The following PATL2 variants were observed in gnomAD, a reference collection of about 807,000 sequenced individuals.
PATL2 encodes the protein PAT1 homolog 2, also known as protein PAT1 homolog 2.
A neutral mutation model predicts 77.0 loss-of-function variants in PATL2; 73 were observed. The ratio of observed to expected loss-of-function variants is 0.95; its 90% CI spans 0.78 to 1.15. The LOEUF is 1.15. Among genes scored for constraint, PATL2 ranks in the 50% most tolerant of loss-of-function variants. PATL2 has a pLI of 0.00. For synonymous variants in PATL2, 265 were observed against 257.1 expected, an observed-to-expected ratio of 1.03 and a Z score of -0.29; for missense variants, 618 against 655.4, an observed-to-expected ratio of 0.94 and a Z score of 0.62.
At chr15:44,681,490 C>T (rs2141227537) in intron 3 of PATL2, among the ~76,000 whole-genome samples, 1 of 152,270 alleles carries the variant, frequency 6.6e-6, no homozygotes, top group South Asian at 2.1e-4. Context: ...TTTCTTTGGC[C>T]CTTTTCCTGC....
Position 44,669,018 on chromosome 15 carries a change from G to T in PATL2, c.1186C>A (p.His396Asn). The change falls in exon 14 of 18, where the codon CAT becomes AAT. Residue 396 changes from histidine to asparagine, a missense_variant. Transcript: ENST00000682850. ...AVTILLAITH[H>N]LPLLVRRDVA... ...TCCCTCCGGACCAGGAGGGGCAGAT[G>T]GTGGGTGATAGCCAAAAGAATGGTA... 6.4e-7 allele frequency: 1 copy of T among 1,550,940 alleles called. No individual in the cohort carries two copies. The highest frequency in any genetic ancestry group is 8.7e-7 in the Non-Finnish European group (1 of 1,146,572).
chr15:44,707,275 T>G (rs1438101640), intron 3 of PATL2, among the ~76,000 whole-genome samples: 1 of 151,902 alleles, frequency 6.6e-6, no homozygotes, highest in Non-Finnish European at 1.5e-5. Context: ...CTTTACTCTT[T>G]CCACTTCTTT....
rs1050285529 is a variant in PATL2, at chr15:44,673,361, G to C, written c.320C>G (p.Ser107Trp). The C allele has an allele frequency of 4.5e-6, 7 of 1,551,592 alleles. No homozygotes were observed. In the African/African-American group the frequency reaches 8.2e-5, roughly 18 times the overall value. The change falls in exon 7 of 18, where the codon TCG (serine) becomes TGG (tryptophan). Residue 107 changes from serine to tryptophan, a missense_variant. Physicochemically the swap from Ser to Trp is radical, Grantham distance 177. Transcript: ENST00000682850. Reference protein sequence around the residue: ...HFLWQTLDYLSPIPFWPTFPS... With the variant: ...HFLWQTLDYLWPIPFWPTFPS... ...AAATGTAGGCCAGAAAGGGATGGGC[G>C]ACAGGTAGTCCAAGGTCTGAGAGAG...
rs1266055660 is a variant in PATL2, at chr15:44,669,337, C to T, written c.1007G>A (p.Ser336Asn). 6.4e-7 allele frequency: 1 copy of T among 1,551,644 alleles called. No homozygotes were observed. The highest frequency in any genetic ancestry group is 2.4e-5 in the East Asian group (1 of 40,918). ...CTGGAAGAGCTTCTCAACCTGGTTG[C>T]TTTGCTGCTCAGAAAAGCAGGGCGG... ...PPPPCFSEQQ[S>N]NQVEKLFQTL... Residue 336 changes from serine to asparagine, a missense_variant, in exon 13 of 18, where the codon AGC becomes AAC. Coordinates refer to ENST00000682850, the MANE Select transcript of PATL2 (RefSeq NM_001387263.1).
intron 15 of PATL2, among the ~76,000 whole-genome samples, chr15:44,668,002 T>C (rs1304907178): frequency 6.6e-6 from 1 of 152,208 alleles, no homozygotes; most frequent in Non-Finnish European, 1.5e-5. Flanking sequence ...ATGTATTTGA[T>C]TTATAAACAC....
At position 44,669,431 on chromosome 15, in the gene PATL2, G is replaced by GA. The variant is rs749910034; in HGVS notation, c.931-19dup. 1.1e-5 allele frequency: 17 copies of GA among 1,547,806 alleles called. No individual in the cohort carries two copies. The highest frequency in any genetic ancestry group is 9.5e-5 in the South Asian group (8 of 83,962). The stretch of plus-strand genomic sequence containing the variant: ...AGGAACATCTGGGAATTTGAGGGTG[G>GA]AAAAAAGAGGTAAATTTGGGTAATA... On this transcript the variant is annotated intron_variant, in intron 12 of 17. Coordinates refer to ENST00000682850, the MANE Select transcript of PATL2 (RefSeq NM_001387263.1).
chr15:44,700,330 C>A (rs1445051725), intron 3 of PATL2, among the ~76,000 whole-genome samples: 1 of 151,938 alleles, frequency 6.6e-6, no homozygotes, highest in Non-Finnish European at 1.5e-5. Context: ...GAGATGGAGC[C>A]TCACTTTGTC....
intron 3 of PATL2, among the ~76,000 whole-genome samples, chr15:44,678,224 A>G (rs2086037974): frequency 6.6e-6 from 1 of 152,152 alleles, no homozygotes; most frequent in Non-Finnish European, 1.5e-5. Context: ...CTTTAGCACT[A>G]TTAACAAAAG....
At chr15:44,705,328 G>T (rs1156391133) in intron 3 of PATL2, among the ~76,000 whole-genome samples, 3 of 151,714 alleles carry the variant, frequency 2.0e-5, no homozygotes, top group African/African-American at 7.3e-5. Context: ...GATTAAAGGC[G>T]CCTGCTGCCA....
At position 44,710,205 on chromosome 15, in the gene PATL2, T is replaced by G. The variant is rs1039045160; in HGVS notation, c.-185A>C. Among the ~76,000 whole-genome samples the G allele has an allele frequency of 2.0e-5, 3 of 152,204 alleles. No individual in the cohort carries two copies. The highest frequency in any genetic ancestry group is 4.8e-5 in the African/African-American group (2 of 41,446). On this transcript the variant is annotated 5_prime_UTR_variant, in exon 3 of 18. Transcript: ENST00000682850. ...TAGGCATGGCCTCCACAATAAAGAT[T>G]ATCAAAAGCCTAAAAATATGTAAAA...
chr15:44,702,145 G>C (rs1324384778), intron 3 of PATL2, among the ~76,000 whole-genome samples: 1 of 151,938 alleles, frequency 6.6e-6, no homozygotes, highest in East Asian at 1.9e-4. Flanking sequence ...AAGACATAGA[G>C]TCCTGGGCTT....
intron 3 of PATL2, among the ~76,000 whole-genome samples, chr15:44,682,377 C>A (rs974093913): frequency 2.6e-5 from 4 of 152,208 alleles, no homozygotes; most frequent in Admixed American, 2.6e-4. Context: ...ATTGCACCTA[C>A]CACACTGTGT....
chr15:44,709,390 T>C (rs2086804735), intron 3 of PATL2, among the ~76,000 whole-genome samples: 1 of 152,182 alleles, frequency 6.6e-6, no homozygotes, highest in Non-Finnish European at 1.5e-5. Context: ...TATTAAACTG[T>C]CATATTTGTG....
intron 3 of PATL2, among the ~76,000 whole-genome samples, chr15:44,684,803 A>C (rs1364643256): frequency 2.0e-5 from 3 of 152,234 alleles, no homozygotes; most frequent in Non-Finnish European, 4.4e-5. Flanking sequence ...CATCAGATCC[A>C]CCAAGGTTGA....
At chr15:44,697,043 CA>C (rs1275855260) in intron 3 of PATL2, among the ~76,000 whole-genome samples, 1 of 152,172 alleles carries the variant, frequency 6.6e-6, no homozygotes, top group Non-Finnish European at 1.5e-5. Context: ...TACTTTGGAG[CA>C]GGTAGCAATC....
chr15:44,709,278 C>T (rs2086801920), intron 3 of PATL2, among the ~76,000 whole-genome samples: 2 of 152,066 alleles, frequency 1.3e-5, no homozygotes, highest in South Asian at 4.1e-4. Flanking sequence ...CCAACATTTA[C>T]TACTTTGAAT....
At chr15:44,669,232 T>C in intron 13 of PATL2, 48 bp downstream of exon 13, 1 of 1,534,962 alleles carries the variant, frequency 6.5e-7, no homozygotes, top group Non-Finnish European at 8.8e-7. Flanking sequence ...CCAGTGTCTT[T>C]GCTGCTCCTT....
rs372012407 is a variant in PATL2 at position 44,676,385 on chromosome 15, C to G, written c.16+90G>C. On this transcript the variant is annotated intron_variant, in intron 4 of 17. Coordinates refer to ENST00000682850, the MANE Select transcript of PATL2 (RefSeq NM_001387263.1). ...AAGAATTTGGAATAACTTCCAGTGA[C>G]TCTGGACATCCAATCCCATATGTGA... The G allele has an allele frequency of 2.0e-5, 23 of 1,164,442 alleles. No homozygotes were observed. In the African/African-American group the frequency reaches 3.2e-4, roughly 16 times the overall value. 72.1% of individuals were successfully genotyped at this position (1,164,442 alleles called of 1,614,324 possible). A position where few individuals can be genotyped will look rare whatever the true frequency, so the allele number is the denominator to read the frequency against.
intron 3 of PATL2, among the ~76,000 whole-genome samples, chr15:44,677,550 G>A (rs1310094158): frequency 5.3e-5 from 8 of 152,138 alleles, no homozygotes; most frequent in Non-Finnish European, 1.2e-4. Flanking sequence ...GCTCCTGGTA[G>A]GCAAAACCCA....
Sources: allele counts gnomAD v4.1 joint callset (sites outside exome capture counted in the v4.1 genomes callset), GRCh38; gene constraint gnomAD v4.1.1; transcripts MANE v1.5; gene names NCBI Gene and HGNC (gene_info 2026-07-23, HGNC 2026-07-21).